Variants in SH3D19 observed in about 807,000 individuals in gnomAD.
SH3D19 encodes the protein SH3 domain containing 19.
Under a neutral mutation model 112.1 loss-of-function variants are expected in SH3D19, and 58 were observed. The observed-to-expected ratio is 0.52, with a 90% CI of 0.42 to 0.64. The LOEUF is 0.64. SH3D19 is among the 30% of genes least tolerant of loss of function. SH3D19 has a pLI of 0.00. For missense variants in SH3D19, 1,090 were observed against 1,263.4 expected (o/e 0.86, Z 2.08); for synonymous variants, 391 against 448.5 (o/e 0.87, Z 1.62).
At chr4:151,224,406 AG>A (rs1768650215) in intron 2 of SH3D19, among the ~76,000 whole-genome samples, 1 of 152,152 alleles carries the variant, frequency 6.6e-6, no homozygotes, top group South Asian at 2.1e-4. Context: ...TTTTGGGGGA[AG>A]GTAGATGTAA....
At chr4:151,162,367 T>G (rs1757306931) in intron 8 of SH3D19, among the ~76,000 whole-genome samples, 1 of 152,158 alleles carries the variant, frequency 6.6e-6, no homozygotes, top group African/African-American at 2.4e-5. Flanking sequence ...ATTTTTATAT[T>G]TTTAGAAGAG....
intron 1 of SH3D19, among the ~76,000 whole-genome samples, chr4:151,304,079 A>C (rs1430676489): frequency 6.6e-6 from 1 of 151,894 alleles, no homozygotes; most frequent in East Asian, 1.9e-4. Flanking sequence ...AAGTATCCTG[A>C]GTAGCTGGGA....
intron 11 of SH3D19, among the ~76,000 whole-genome samples, chr4:151,147,679 C>T (rs1390025988): frequency 6.6e-6 from 1 of 152,156 alleles, no homozygotes; most frequent in Non-Finnish European, 1.5e-5. Context: ...GCCAGCTGGT[C>T]TCAAACTTTT....
intron 1 of SH3D19, among the ~76,000 whole-genome samples, chr4:151,274,048 C>T (rs1430318745): frequency 6.6e-6 from 1 of 151,896 alleles, no homozygotes; most frequent in Non-Finnish European, 1.5e-5. Context: ...AATGCATAAA[C>T]CACAAAAACA....
intron 1 of SH3D19, among the ~76,000 whole-genome samples, chr4:151,291,777 G>A (rs1349463740): frequency 6.6e-6 from 1 of 152,120 alleles, no homozygotes; most frequent in Non-Finnish European, 1.5e-5. Context: ...TATCTGTGAT[G>A]ACACAGGAAA....
chr4:151,229,607 A>G (rs1297105574), intron 1 of SH3D19, among the ~76,000 whole-genome samples: 1 of 152,238 alleles, frequency 6.6e-6, no homozygotes, highest in Non-Finnish European at 1.5e-5. Context: ...CTGTAAGTAG[A>G]ACAAAGACAG....
At chr4:151,237,196 G>A (rs931444996) in intron 1 of SH3D19, among the ~76,000 whole-genome samples, 1 of 152,170 alleles carries the variant, frequency 6.6e-6, no homozygotes, top group African/African-American at 2.4e-5. Context: ...CCGCCTTTAA[G>A]AGCTGTAACA....
At chr4:151,316,461 G>A (rs976947816) in intron 1 of SH3D19, among the ~76,000 whole-genome samples, 3 of 152,144 alleles carry the variant, frequency 2.0e-5, no homozygotes, top group Non-Finnish European at 2.9e-5. Flanking sequence ...TTCATTAATT[G>A]TGATGAATCT....
intron 1 of SH3D19, among the ~76,000 whole-genome samples, chr4:151,268,740 T>C (rs1220731457): frequency 7.0e-6 from 1 of 143,606 alleles, no homozygotes; most frequent in Admixed American, 7.1e-5. Flanking sequence ...GATTTCCAAT[T>C]TCATCCATGT....
At position 151,148,204 on chromosome 4, in the gene SH3D19, A is replaced by T; in HGVS notation, c.1818-18T>A. On this transcript the variant is annotated intron_variant, in intron 10 of 19. Coordinates refer to ENST00000604030, the MANE Select transcript of SH3D19 (RefSeq NM_001378122.1). ...TCACAGGTCTGAAAGTCAATGTAGTAGCCATGAGTCAGTGTTTTGATCAGT... is the reference window on the plus strand; with the variant it reads ...TCACAGGTCTGAAAGTCAATGTAGTTGCCATGAGTCAGTGTTTTGATCAGT... The T allele has an allele frequency of 6.3e-7, 1 of 1,577,602 alleles. No homozygotes were observed. Among genetic ancestry groups the T allele is most frequent in the East Asian group, 2.2e-5 (1 of 44,666 alleles).
intron 1 of SH3D19, among the ~76,000 whole-genome samples, chr4:151,238,760 T>TG (rs1770331506): frequency 3.3e-5 from 5 of 151,780 alleles, no homozygotes; most frequent in African/African-American, 7.3e-5. Flanking sequence ...TACATTAGAG[T>TG]GAAAAAAAAA....
chr4:151,214,702 A>T (rs1580201694), intron 2 of SH3D19, among the ~76,000 whole-genome samples: 1 of 59,362 alleles, frequency 1.7e-5, no homozygotes, highest in African/African-American at 4.9e-5. Context: ...ACTTCCCAGT[A>T]GGGGCGGCCG....
chr4:151,273,589 CAAAAAAAAAA>C (rs60600816), intron 1 of SH3D19, among the ~76,000 whole-genome samples: 14 of 64,650 alleles, frequency 2.2e-4, no homozygotes, highest in Admixed American at 3.9e-4. Context: ...GACTCCATCT[CAAAAAAAAAA>C]AAAAAAAAAA....
intron 2 of SH3D19, among the ~76,000 whole-genome samples, chr4:151,206,060 CA>C (rs1765061525): frequency 6.6e-6 from 1 of 152,072 alleles, no homozygotes; most frequent in Non-Finnish European, 1.5e-5. Flanking sequence ...ATTTAATTAC[CA>C]AAGAACCTTA....
chr4:151,203,107 A>G (rs1402095392), intron 2 of SH3D19, among the ~76,000 whole-genome samples: 12 of 152,128 alleles, frequency 7.9e-5, no homozygotes, highest in Non-Finnish European at 1.6e-4. Context: ...CTTGACTCCT[A>G]ATCCCACCTC....
intron 11 of SH3D19, among the ~76,000 whole-genome samples, chr4:151,144,774 T>C (rs1753640759): frequency 6.6e-6 from 1 of 152,192 alleles, no homozygotes; most frequent in African/African-American, 2.4e-5. Context: ...TAAATCCATT[T>C]CATGGCCTGA....
chr4:151,172,576 C>G (rs1759263712), intron 7 of SH3D19, among the ~76,000 whole-genome samples: 1 of 152,196 alleles, frequency 6.6e-6, no homozygotes, highest in Admixed American at 6.5e-5. Flanking sequence ...ACAATAATAA[C>G]TACTAATTAA....
intron 1 of SH3D19, chr4:151,266,107 A>G (rs1266076410): frequency 6.6e-6 from 1 of 152,216 alleles, no homozygotes; most frequent in Non-Finnish European, 1.5e-5. Flanking sequence ...GGAAGAAGGT[A>G]ATCTTGGAGA....
chr4:151,279,893 C>T (rs1286151032), intron 1 of SH3D19: 1 of 1,613,848 alleles, frequency 6.2e-7, no homozygotes, highest in Non-Finnish European at 8.5e-7. Context: ...TTGACCACAA[C>T]TTTATCTGTG....
Sources: gnomAD v4.1 joint callset for allele counts (sites outside exome capture counted in the v4.1 genomes callset) on GRCh38, gnomAD v4.1.1 for gene constraint, MANE v1.5 for transcripts, NCBI Gene and HGNC (gene_info 2026-07-23, HGNC 2026-07-21) for gene names.